AARSD1: variants seen among roughly 807,000 people sequenced by gnomAD.
AARSD1 encodes the protein alanyl-tRNA synthetase domain containing 1.
A neutral mutation model predicts 48.7 loss-of-function variants in AARSD1; 44 were observed. That is an observed-to-expected ratio of 0.90 (90% confidence interval 0.71 to 1.16). The LOEUF (loss-of-function observed/expected upper bound fraction) is 1.16, where lower values mean the gene tolerates loss of function less well. AARSD1 is among the 50% of genes most tolerant of loss of function. The probability of loss-of-function intolerance (pLI) is 0.00; values close to 1 mark genes in which losing one functional copy is unlikely to be tolerated. For synonymous variants in AARSD1, 189 were observed against 194.9 expected (o/e 0.97, Z 0.25); for missense variants, 511 against 523.1 (o/e 0.98, Z 0.23).
At chr17:42,956,600 G>C (rs111495715) in intron 4 of AARSD1, 40 bp from the exon 5 acceptor site, 21 of 1,400,924 alleles carry the variant, frequency 1.5e-5, no homozygotes, top group Middle Eastern at 2.2e-4. Flanking sequence ...ATATCTTACT[G>C]AACAAGAAAA....
At chr17:42,963,974 T>G in intron 2 of AARSD1, 132 bp downstream of exon 2, 2 of 1,472,768 alleles carry the variant, frequency 1.4e-6, no homozygotes, top group South Asian at 1.3e-5. Context: ...AAATACTCAT[T>G]AAATGAATAA....
chr17:42,957,382 A>G (rs1446284845), intron 3 of AARSD1, 187 bp from the exon 4 acceptor site: 1 of 593,650 alleles, frequency 1.7e-6, no homozygotes, highest in Non-Finnish European at 2.7e-6. Flanking sequence ...GCCTTATGAT[A>G]CCATTTCACA....
At chr17:42,961,084 C>T in intron 3 of AARSD1, 108 bp downstream of exon 3, 2 of 1,465,192 alleles carry the variant, frequency 1.4e-6, no homozygotes, top group Non-Finnish European at 1.8e-6. Context: ...AATAGTCTGT[C>T]TTTTCCAAAA....
At chr17:42,957,051 C>T (rs1240356229) in intron 4 of AARSD1, 87 bp downstream of exon 4, 1 of 1,549,006 alleles carries the variant, frequency 6.5e-7, no homozygotes, top group Non-Finnish European at 8.8e-7. Flanking sequence ...GCCTTAATCT[C>T]CCCGGCTCAA....
chr17:42,962,205 C>T, intron 2 of AARSD1: 2 of 295,474 alleles, frequency 6.8e-6, no homozygotes, highest in Admixed American at 4.0e-5. Flanking sequence ...GAGACTGAGG[C>T]AGGGGAATTG....
chr17:42,952,866 T>A (rs1167668148), intron 10 of AARSD1, among the ~76,000 whole-genome samples: 3 of 148,864 alleles, frequency 2.0e-5, no homozygotes, highest in South Asian at 2.1e-4. Flanking sequence ...CAGGCTGGAG[T>A]GCAGTGGCGC....
chr17:42,955,689 C>A, intron 7 of AARSD1, 153 bp downstream of exon 7: 2 of 1,350,604 alleles, frequency 1.5e-6, no homozygotes, highest in South Asian at 2.7e-5. Context: ...GATCCGCCCA[C>A]CTCGGCCTCC....
At position 42,964,388 on chromosome 17, in the gene AARSD1, C is replaced by CCGTG; in HGVS notation, c.39+10_39+13dup. ...CGGCCCGGCAGTCTCAAGTGCCTCG[C>CCGTG]CGTGACGCCGTACCTCTCGGGCATA... On this transcript the variant is annotated intron_variant, in intron 1 of 11. Coordinates refer to ENST00000427569, the MANE Select transcript of AARSD1 (RefSeq NM_001261434.2). The CCGTG allele has an allele frequency of 6.4e-7, 1 of 1,553,460 alleles. No individual in the cohort carries two copies. Among genetic ancestry groups the CCGTG allele is most frequent in the Non-Finnish European group, 8.7e-7 (1 of 1,148,418 alleles).
chr17:42,964,313 C>G (rs1300952924), intron 1 of AARSD1, 76 bp from the exon 2 acceptor site: 1 of 1,605,408 alleles, frequency 6.2e-7, no homozygotes, highest in Non-Finnish European at 8.5e-7. Context: ...GGACAGAATG[C>G]CATGTTGGCA....
At chr17:42,952,031 T>C (rs2049486798) in intron 10 of AARSD1, 137 bp from the exon 11 acceptor site, 2 of 1,003,958 alleles carry the variant, frequency 2.0e-6, no homozygotes, top group South Asian at 3.1e-5. Context: ...TGAATGATGA[T>C]ACAGCCCCTC....
intron 2 of AARSD1, chr17:42,962,233 G>A (rs1303742290): frequency 6.6e-6 from 2 of 303,424 alleles, no homozygotes; most frequent in East Asian, 1.5e-4. Flanking sequence ...CTGGCAGACG[G>A]AGATTGCAGT....
intron 9 of AARSD1, among the ~76,000 whole-genome samples, chr17:42,954,457 G>A (rs1218785179): frequency 1.3e-5 from 2 of 151,320 alleles, no homozygotes; most frequent in African/African-American, 4.9e-5. Context: ...TTTTTGAGAT[G>A]GGGTCTCACT....
chr17:42,950,872 A>C lies in AARSD1; in HGVS notation c.1104-144T>G. The C allele has an allele frequency of 2.2e-6, 3 of 1,369,370 alleles. No homozygotes were observed. The South Asian group carries it at 4.7e-5, about 22-fold the overall frequency. 84.8% of individuals were successfully genotyped at this position (1,369,370 alleles called of 1,614,324 possible). ...AGGAATCTTTCTTGAAAACACTTGC[A>C]CATAGGCTGGGCATGGTGGCTCACA... On this transcript the variant is annotated intron_variant, in intron 11 of 11. Coordinates refer to ENST00000427569, the MANE Select transcript of AARSD1 (RefSeq NM_001261434.2).
Position 42,955,904 on chromosome 17 carries a change from G to A in AARSD1, c.732C>T (p.Asn244=). 6.2e-7 allele frequency: 1 copy of A among 1,614,030 alleles called. No individual in the cohort carries two copies. The highest frequency in any genetic ancestry group is 1.1e-5 in the South Asian group (1 of 91,080). The change falls in exon 7 of 12, where the codon AAC becomes AAT. Residue 244 remains asparagine (N), a synonymous_variant. Transcript: ENST00000427569. ...TTCTCTCCATCCACTTCAGCACCCG[G>A]TTCCCAGACAGAAATATCAGGTTGG... The part of the protein sequence containing the change: ...NRTNLIFLSG[N]RVLKWMERSH...
intron 9 of AARSD1, among the ~76,000 whole-genome samples, chr17:42,954,327 G>C (rs2049517960): frequency 6.6e-6 from 1 of 151,960 alleles, no homozygotes; most frequent in South Asian, 2.1e-4. Context: ...CTGCACTCCA[G>C]ACACACTAAG....
In AARSD1 at chr17:42,961,208, G is replaced by A; in HGVS notation, c.315C>T (p.His105=). 1.2e-6 allele frequency: 2 copies of A among 1,612,252 alleles called. No homozygotes were observed. The highest frequency in any genetic ancestry group is 1.7e-6 in the Non-Finnish European group (2 of 1,178,690). ...AGCCTTTACCTGAATGCTGCTGCAT[G>A]TGGTCAAACCTCCGCTCCCAATCTA... is the stretch of plus-strand genomic sequence containing the variant. ...VRVDWERRFD[H]MQQHSGQHLI... is the part of the protein sequence containing the mutation. The change falls in exon 3 of 12, where the codon CAC becomes CAT. Residue 105 remains histidine, a synonymous_variant. Coordinates refer to ENST00000427569, the MANE Select transcript of AARSD1 (RefSeq NM_001261434.2).
chr17:42,952,245 T>C (rs889319962), intron 10 of AARSD1: 3 of 309,992 alleles, frequency 9.7e-6, no homozygotes, highest in African/African-American at 2.1e-5. Context: ...TGGCCGCCTC[T>C]GCCCCTTGTC....
In AARSD1 at chr17:42,963,981, A is replaced by G. The variant is rs543887729; in HGVS notation, c.171+125T>C. The G allele has an allele frequency of 1.5e-5, 22 of 1,490,998 alleles. 1 individual carries two copies. The South Asian group carries it at 2.8e-4, about 19-fold the overall frequency. 92.4% of individuals were successfully genotyped at this position (1,490,998 alleles called of 1,614,324 possible). ...TTGCTGATAAATACTCATTAAATGA[A>G]TAACAAAATGAATTAAACTAAAGCT... On this transcript the variant is annotated intron_variant, in intron 2 of 11. Transcript: ENST00000427569.
intron 2 of AARSD1, 54 bp downstream of exon 2, chr17:42,964,052 T>C (rs2049676443): frequency 6.2e-7 from 1 of 1,609,940 alleles, no homozygotes; most frequent in Non-Finnish European, 8.5e-7. Context: ...GGAGAGCATT[T>C]CGGCCTGAGC....
Sources: gnomAD v4.1 joint callset for allele counts (sites outside exome capture counted in the v4.1 genomes callset) on GRCh38, gnomAD v4.1.1 for gene constraint, MANE v1.5 for transcripts, NCBI Gene and HGNC (gene_info 2026-07-23, HGNC 2026-07-21) for gene names.